The following DRG1 variants were observed in gnomAD, a reference collection of about 807,000 sequenced individuals.
DRG1 encodes developmentally-regulated GTP-binding protein 1.
In DRG1, 19 loss-of-function variants were observed where a neutral mutation model predicts 38.8. That is an observed-to-expected ratio of 0.49 (90% CI 0.34 to 0.72). DRG1 has a LOEUF of 0.72. DRG1 is among the 30% of genes least tolerant of loss of function. The pLI is 0.01. For missense variants in DRG1, 299 were observed against 444.8 expected, an observed-to-expected ratio of 0.67 and a Z score of 2.95; for synonymous variants, 167 against 157.5, an observed-to-expected ratio of 1.06 and a Z score of -0.45.
At chr22:31,433,251 C>A (rs1569053472) in intron 8 of DRG1, among the ~76,000 whole-genome samples, 1 of 148,306 alleles carries the variant, frequency 6.7e-6, no homozygotes, top group Non-Finnish European at 1.5e-5. Context: ...CAGGGTATTT[C>A]TCTATGAAGA....
intron 3 of DRG1, among the ~76,000 whole-genome samples, chr22:31,408,596 A>T (rs989869487): frequency 7.3e-5 from 11 of 151,468 alleles, no homozygotes; most frequent in African/African-American, 2.4e-4. Flanking sequence ...AAAAATACAT[A>T]AAAAAAATTG....
chr22:31,404,745 C>T (rs1356972415), intron 3 of DRG1, among the ~76,000 whole-genome samples: 3 of 151,974 alleles, frequency 2.0e-5, no homozygotes, highest in African/African-American at 7.3e-5. Flanking sequence ...CCTCAGTCTC[C>T]TGAGTAGCTG....
At chr22:31,418,842 C>T (rs567319214) in intron 4 of DRG1, among the ~76,000 whole-genome samples, 9 of 152,038 alleles carry the variant, frequency 5.9e-5, no homozygotes, top group African/African-American at 1.9e-4. Context: ...CCACCACATC[C>T]GGCTAATTTT....
intron 3 of DRG1, among the ~76,000 whole-genome samples, chr22:31,408,426 G>A (rs943747744): frequency 6.6e-6 from 1 of 150,794 alleles, no homozygotes; most frequent in Admixed American, 6.6e-5. Context: ...TTACAGGCTT[G>A]AGCCACCATG....
intron 4 of DRG1, among the ~76,000 whole-genome samples, chr22:31,415,361 C>A (rs533006963): frequency 1.3e-5 from 2 of 152,274 alleles, no homozygotes; most frequent in South Asian, 4.1e-4. Flanking sequence ...TTATTGGATA[C>A]CACTGCTCTC....
rs1261461733 is a variant in DRG1, at chr22:31,420,247, A to T, written c.413-9A>T. ...ACTTTCTTGCGTATGTTTTTTTCTT[A>T]CTCTTCAGTGGCCCGAACCTGTAAC... On this transcript the variant is annotated splice_polypyrimidine_tract_variant and intron_variant, in intron 4 of 8. Coordinates refer to ENST00000331457, the MANE Select transcript of DRG1 (RefSeq NM_004147.4). 6.2e-7 allele frequency: 1 copy of T among 1,608,370 alleles called. No homozygotes were observed. The highest frequency in any genetic ancestry group is 1.7e-5 in the Admixed American group (1 of 58,976).
intron 5 of DRG1, among the ~76,000 whole-genome samples, chr22:31,420,990 T>G (rs2050073707): frequency 6.6e-6 from 1 of 152,154 alleles, no homozygotes; most frequent in South Asian, 2.1e-4. Flanking sequence ...GACATGAAGG[T>G]GTGAACCAAG....
chr22:31,402,466 A>G (rs1392570151), intron 2 of DRG1, among the ~76,000 whole-genome samples: 2 of 136,102 alleles, frequency 1.5e-5, no homozygotes, highest in Admixed American at 7.4e-5. Context: ...TAACAACTCT[A>G]TTTTTGGATC....
At chr22:31,405,844 A>G (rs1316850682) in intron 3 of DRG1, among the ~76,000 whole-genome samples, 4 of 151,810 alleles carry the variant, frequency 2.6e-5, no homozygotes, top group African/African-American at 9.7e-5. Context: ...GCCCACCACT[A>G]TGCCCAGCTA....
chr22:31,402,913 A>G, intron 2 of DRG1, 116 bp from the exon 3 acceptor site: 1 of 1,211,200 alleles, frequency 8.3e-7, no homozygotes, highest in Non-Finnish European at 1.1e-6. Context: ...GTAAACCATA[A>G]AAAGTTTGAG....
At chr22:31,427,315 C>T (rs1213949342) in intron 8 of DRG1, 133 bp downstream of exon 8, 1 of 1,196,346 alleles carries the variant, frequency 8.4e-7, no homozygotes, top group Non-Finnish European at 1.1e-6. Flanking sequence ...GGCTAGAACT[C>T]TGCAGTGTCT....
chr22:31,416,946 T>TC (rs2050047713), intron 4 of DRG1, among the ~76,000 whole-genome samples: 1 of 150,130 alleles, frequency 6.7e-6, no homozygotes, highest in East Asian at 2.0e-4. Context: ...GCTTCTGTAG[T>TC]CCCAGCTGTT....
At chr22:31,405,677 G>T (rs565687737) in intron 3 of DRG1, among the ~76,000 whole-genome samples, 40 of 146,422 alleles carry the variant, frequency 2.7e-4, no homozygotes, top group South Asian at 4.4e-4. Context: ...ATGTGTGTGT[G>T]TGTGGGGGGG....
At chr22:31,405,711 C>T (rs1034260163) in intron 3 of DRG1, among the ~76,000 whole-genome samples, 4 of 151,464 alleles carry the variant, frequency 2.6e-5, no homozygotes, top group African/African-American at 4.8e-5. Context: ...TTATTTGAGA[C>T]GGAGTCTTAC....
At chr22:31,409,178 G>A (rs559998170) in intron 3 of DRG1, among the ~76,000 whole-genome samples, 8 of 151,936 alleles carry the variant, frequency 5.3e-5, no homozygotes, top group Non-Finnish European at 1.0e-4. Flanking sequence ...TTCGACTGTC[G>A]GGTTCAAGCC....
intron 4 of DRG1, among the ~76,000 whole-genome samples, chr22:31,419,105 G>C (rs943355056): frequency 6.6e-6 from 1 of 152,118 alleles, no homozygotes; most frequent in Admixed American, 6.6e-5. Flanking sequence ...ATGAGCTCCC[G>C]TGCCCAGCTG....
At chr22:31,418,816 G>A (rs1265946505) in intron 4 of DRG1, among the ~76,000 whole-genome samples, 1 of 152,150 alleles carries the variant, frequency 6.6e-6, no homozygotes, top group Non-Finnish European at 1.5e-5. Context: ...CAAGTAGCTG[G>A]GACTACAGGC....
intron 8 of DRG1, among the ~76,000 whole-genome samples, chr22:31,431,035 C>CCCCCCT (rs2050136481): frequency 1.8e-5 from 1 of 56,764 alleles, no homozygotes; most frequent in Admixed American, 2.4e-4. Context: ...CCCCCCCCCG[C>CCCCCCT]TTTTTTTTTT....
At position 31,400,763 on chromosome 22, in the gene DRG1, A is replaced by G. The variant is rs772524150; in HGVS notation, c.166+20A>G. 31 of 1,602,254 alleles carry G rather than the reference A, an allele frequency of 1.9e-5. No individual in the cohort carries two copies. The Middle Eastern group carries it at 2.1e-3, about 110-fold the overall frequency. On this transcript the variant is annotated intron_variant, in intron 2 of 8. Transcript: ENST00000331457. ...GAGAAGGTTTGTGTTCTTCTTCAAT[A>G]TATATATTTTTAGGTATAATTTTTG...
Sources: gnomAD v4.1 joint callset for allele counts (sites outside exome capture counted in the v4.1 genomes callset) on GRCh38, gnomAD v4.1.1 for gene constraint, MANE v1.5 for transcripts, NCBI Gene and HGNC (gene_info 2026-07-23, HGNC 2026-07-21) for gene names.